The following CACNA2D4 variants were observed in gnomAD, a reference collection of about 807,000 sequenced individuals.
CACNA2D4 encodes the protein voltage-dependent calcium channel subunit alpha-2/delta-4.
Under a neutral mutation model 163.8 loss-of-function variants are expected in CACNA2D4, and 157 were observed. That is an observed-to-expected ratio of 0.96 (90% CI 0.84 to 1.09). CACNA2D4 has a LOEUF of 1.09. Ranked by LOEUF, CACNA2D4 falls within the 50% of genes least tolerant of loss-of-function variation. The pLI is 0.00. For missense variants in CACNA2D4, 1,410 were observed against 1,479.9 expected (o/e 0.95, Z 0.78); for synonymous variants, 598 against 586.9 (o/e 1.02, Z -0.27).
At chr12:1,916,458 C>A (rs533483126) in intron 1 of CACNA2D4, among the ~76,000 whole-genome samples, 1 of 152,250 alleles carries the variant, frequency 6.6e-6, no homozygotes, top group Admixed American at 6.5e-5. Flanking sequence ...GTCATTGATG[C>A]AAAGGTAGGG....
intron 29 of CACNA2D4, chr12:1,809,613 T>C (rs1863641319): frequency 1.4e-6 from 1 of 696,000 alleles, no homozygotes; most frequent in African/African-American, 1.8e-5. Context: ...GCCCAGCAAG[T>C]ATAAAAATAT....
intron 26 of CACNA2D4, among the ~76,000 whole-genome samples, chr12:1,840,489 C>G (rs1402285145): frequency 1.3e-5 from 2 of 152,190 alleles, no homozygotes; most frequent in East Asian, 3.9e-4. Flanking sequence ...AGTCTCTGTT[C>G]CGTGTGGCCG....
intron 18 of CACNA2D4, among the ~76,000 whole-genome samples, chr12:1,870,583 C>G (rs1414717149): frequency 2.0e-5 from 3 of 151,958 alleles, no homozygotes; most frequent in Non-Finnish European, 4.4e-5. Context: ...AGGGTTGTTG[C>G]TGCCTGCTTT....
Position 1,833,738 on chromosome 12 carries a change from C to T in CACNA2D4, c.2551+7001G>A, listed in dbSNP as rs1391672658. 1.3e-5 allele frequency among the ~76,000 whole-genome samples: 2 copies of T among 152,224 alleles called. No individual in the cohort carries two copies. The highest frequency in any genetic ancestry group is 1.5e-5 in the Non-Finnish European group (1 of 68,030). On this transcript the variant is annotated intron_variant, in intron 26 of 37. Coordinates refer to ENST00000382722, the MANE Select transcript of CACNA2D4 (RefSeq NM_172364.5). The surrounding 1 kb of genome is among the most constrained non-coding windows in gnomAD (Gnocchi z 4.2). ...AAGGTCTTGCGTGGAGGGGCAGCGG[C>T]AGGGGCAGTGGGTTTTGACTGCTGT...
chr12:1,876,637 G>A (rs1388104744), intron 16 of CACNA2D4, among the ~76,000 whole-genome samples: 1 of 152,194 alleles, frequency 6.6e-6, no homozygotes, highest in African/African-American at 2.4e-5. Context: ...TCGGGGAAGT[G>A]TCGTGCTGAT....
rs776233712 is a variant in CACNA2D4, at chr12:1,811,709, T to C, written c.2566A>G (p.Met856Val). ...TTGCGCTGGAGGAATTCCAGCTTCATTTGGACGCCCGCGGCTACAGGGCAG... is the reference window on the plus strand; with the variant it reads ...TTGCGCTGGAGGAATTCCAGCTTCACTTGGACGCCCGCGGCTACAGGGCAG... Reference protein sequence around the residue: ...TAIAAAAGVQMKLEFLQRKFW... With the variant: ...TAIAAAAGVQVKLEFLQRKFW... Residue 856 changes from methionine (M) to valine (V), a missense_variant, in exon 27 of 38, where the codon ATG (methionine) becomes GTG (valine). Physicochemically the swap from Met to Val is conservative, Grantham distance 21 (BLOSUM62 1). Transcript: ENST00000382722. The C allele has an allele frequency of 1.9e-6, 3 of 1,559,846 alleles. No individual in the cohort carries two copies. In the East Asian group the frequency reaches 7.2e-5, roughly 38 times the overall value.
At position 1,828,618 on chromosome 12, in the gene CACNA2D4, G is replaced by A. The variant is rs745796332; in HGVS notation, c.2551+12121C>T. On this transcript the variant is annotated intron_variant, in intron 26 of 37. Transcript: ENST00000382722. The surrounding 1 kb of genome is among the most constrained non-coding windows in gnomAD (Gnocchi z 4.2). ...GACTGCGGCGAGCCCTTTTGCTCCC[G>A]TGGGGAACTGCCCCCTTGGCTGGCC... is the stretch of plus-strand genomic sequence containing the variant. 3.6e-4 allele frequency among the ~76,000 whole-genome samples: 55 copies of A among 152,218 alleles called. No homozygotes were observed. The highest frequency in any genetic ancestry group is 3.2e-3 in the Middle Eastern group (1 of 316).
At chr12:1,916,911 C>T (rs1429711401) in intron 1 of CACNA2D4, among the ~76,000 whole-genome samples, 1 of 152,206 alleles carries the variant, frequency 6.6e-6, no homozygotes, top group Non-Finnish European at 1.5e-5. Context: ...GCACCCAGGG[C>T]TTCTGCATAG....
rs577996988 is a variant in CACNA2D4, at chr12:1,903,935, C to T, written c.781+3505G>A. On this transcript the variant is annotated intron_variant, in intron 6 of 37. Transcript: ENST00000382722. ...ATCTGCACTCCCATGTTTACTGCAG[C>T]ACTATTTACAATAGCCAAGATTTGT... 3.5e-4 allele frequency among the ~76,000 whole-genome samples: 54 copies of T among 152,184 alleles called. 1 individual carries two copies. The highest frequency in any genetic ancestry group is 6.8e-4 in the Non-Finnish European group (46 of 67,930).
At chr12:1,873,108 G>A (rs1273311314) in intron 18 of CACNA2D4, among the ~76,000 whole-genome samples, 6 of 152,126 alleles carry the variant, frequency 3.9e-5, no homozygotes, top group East Asian at 1.9e-4. Flanking sequence ...GGTTGTGAGT[G>A]TTCAATGAGT....
chr12:1,806,179 A>G lies in CACNA2D4; in HGVS notation c.2721+4099T>C, dbSNP rs966728397. 1.3e-5 allele frequency among the ~76,000 whole-genome samples: 2 copies of G among 152,166 alleles called. No homozygotes were observed. Among genetic ancestry groups the G allele is most frequent in the Non-Finnish European group, 2.9e-5 (2 of 68,026 alleles). On this transcript the variant is annotated intron_variant, in intron 29 of 37. Coordinates refer to ENST00000382722, the MANE Select transcript of CACNA2D4 (RefSeq NM_172364.5). This position sits in a 1 kb window ranked among gnomAD's most constrained non-coding sequence, Gnocchi z 4.1. ...ATGGGTGGGTGCCGCCCAGAAGCAA[A>G]TGACAGGAATCGGAGTCCCCAGATT...
chr12:1,857,081 T>A (rs1004739303), intron 20 of CACNA2D4, among the ~76,000 whole-genome samples: 8 of 152,138 alleles, frequency 5.3e-5, no homozygotes, highest in East Asian at 1.9e-4. Flanking sequence ...CCTGGGAATA[T>A]CTGGGCAGAG....
chr12:1,871,093 T>C (rs957597037), intron 18 of CACNA2D4, among the ~76,000 whole-genome samples: 1 of 151,226 alleles, frequency 6.6e-6, no homozygotes, highest in African/African-American at 2.4e-5. Flanking sequence ...CTGGTGTGTG[T>C]GTACGTGTGT....
chr12:1,911,901 T>C (rs1389369728), intron 3 of CACNA2D4, among the ~76,000 whole-genome samples: 1 of 152,228 alleles, frequency 6.6e-6, no homozygotes. Flanking sequence ...TGTGTGAGGC[T>C]AGTGCTTTCC....
At chr12:1,861,412 T>G (rs550423348) in intron 18 of CACNA2D4, among the ~76,000 whole-genome samples, 22 of 151,842 alleles carry the variant, frequency 1.4e-4, no homozygotes, top group African/African-American at 5.1e-4. Context: ...CTGGCTGGAG[T>G]GTCAGAACTG....
At chr12:1,910,337 T>G (rs373449758) in intron 3 of CACNA2D4, among the ~76,000 whole-genome samples, 1 of 152,240 alleles carries the variant, frequency 6.6e-6, no homozygotes, top group Non-Finnish European at 1.5e-5. Context: ...AGTGGATGCA[T>G]GTCATTGCAC....
chr12:1,821,799 T>C (rs1216264150), intron 26 of CACNA2D4, among the ~76,000 whole-genome samples: 2 of 152,146 alleles, frequency 1.3e-5, no homozygotes, highest in East Asian at 3.9e-4. Context: ...CCTGCAGGTC[T>C]GGGGCTGGGT....
intron 26 of CACNA2D4, among the ~76,000 whole-genome samples, chr12:1,817,942 C>T (rs1005784624): frequency 1.3e-5 from 2 of 151,938 alleles, no homozygotes; most frequent in South Asian, 2.1e-4. Context: ...CGCCTGGCCG[C>T]CCATCGTCTG....
intron 6 of CACNA2D4, among the ~76,000 whole-genome samples, chr12:1,900,973 C>CA (rs1410910101): frequency 4.6e-5 from 7 of 151,970 alleles, no homozygotes; most frequent in African/African-American, 1.7e-4. Flanking sequence ...TAAAACATTT[C>CA]AAAAAAATTG....
Sources: gnomAD v4.1 joint callset for allele counts (sites outside exome capture counted in the v4.1 genomes callset) on GRCh38, gnomAD v4.1.1 for gene constraint, Gnocchi (gnomAD v3.1) non-coding constraint, MANE v1.5 for transcripts, NCBI Gene and HGNC (gene_info 2026-07-23, HGNC 2026-07-21) for gene names.